The following RALYL variants were observed in gnomAD, a reference collection of about 807,000 sequenced individuals.
RALYL encodes RALY RNA binding protein like.
RALYL carries 29 observed loss-of-function variants against 35.1 expected under a neutral mutation model. That is an observed-to-expected ratio of 0.83 (90% CI 0.61 to 1.13). RALYL has a LOEUF of 1.13. Ranked by LOEUF, RALYL falls within the 50% of genes most tolerant of loss-of-function variation. The pLI, the probability that RALYL is intolerant of heterozygous loss-of-function variation, is 0.00. For missense variants in RALYL, 359 were observed against 360.4 expected (o/e 1.00, Z 0.03); for synonymous variants, 120 against 127.6 (o/e 0.94, Z 0.40).
intron 6 of RALYL, chr8:84,872,607 G>A (rs544043249): frequency 2.6e-4 from 40 of 152,196 alleles, no homozygotes; most frequent in Admixed American, 7.2e-4. Flanking sequence ...CTTTGAAACT[G>A]TACTAAACTC....
chr8:84,873,517 CCAACAA>C, intron 7 of RALYL, 120 bp downstream of exon 7: 1 of 497,258 alleles, frequency 2.0e-6, no homozygotes. Context: ...TACAGATGTG[CCAACAA>C]TGTCTTTAAG....
chr8:84,747,090 T>C (rs1808777700), intron 2 of RALYL, among the ~76,000 whole-genome samples: 1 of 151,824 alleles, frequency 6.6e-6, no homozygotes. Flanking sequence ...TCAGTGAAAA[T>C]ATACCATATG....
At chr8:84,757,536 G>T (rs1232320700) in intron 2 of RALYL, among the ~76,000 whole-genome samples, 1 of 152,122 alleles carries the variant, frequency 6.6e-6, no homozygotes, top group African/African-American at 2.4e-5. Flanking sequence ...TTTTAGCTAT[G>T]CAGGGGCGGC....
At chr8:84,500,059 A>G (rs574287521) in intron 1 of RALYL, among the ~76,000 whole-genome samples, 1 of 152,240 alleles carries the variant, frequency 6.6e-6, no homozygotes, top group East Asian at 1.9e-4. Flanking sequence ...GCCTGGAGTG[A>G]TTTTTAAATA....
chr8:84,493,670 G>A (rs980804490), intron 1 of RALYL, among the ~76,000 whole-genome samples: 1 of 152,104 alleles, frequency 6.6e-6, no homozygotes. Context: ...GATAAGTGCT[G>A]TTGAGTACTT....
chr8:84,888,190 G>C (rs138904024), intron 8 of RALYL, among the ~76,000 whole-genome samples: 2 of 152,128 alleles, frequency 1.3e-5, no homozygotes, highest in Non-Finnish European at 2.9e-5. Context: ...TATTTGTATG[G>C]CCAACAGTCT....
chr8:84,516,310 A>T (rs2058059302), intron 1 of RALYL, among the ~76,000 whole-genome samples: 2 of 151,814 alleles, frequency 1.3e-5, no homozygotes, highest in African/African-American at 4.8e-5. Flanking sequence ...TATACCTAAT[A>T]TGCATAAGTG....
At chr8:84,755,993 A>T (rs1015031409) in intron 2 of RALYL, among the ~76,000 whole-genome samples, 1 of 152,118 alleles carries the variant, frequency 6.6e-6, no homozygotes, top group African/African-American at 2.4e-5. Context: ...TCTTTTCCAA[A>T]AAGGTTTACA....
intron 3 of RALYL, among the ~76,000 whole-genome samples, chr8:84,782,023 ACACG>A (rs1231403135): frequency 1.2e-4 from 10 of 83,920 alleles, no homozygotes; most frequent in African/African-American, 5.2e-4. Flanking sequence ...CATGCTGTGC[ACACG>A]CGCGCACACA....
intron 2 of RALYL, among the ~76,000 whole-genome samples, chr8:84,585,932 C>T (rs1811890274): frequency 6.6e-6 from 1 of 152,078 alleles, no homozygotes; most frequent in South Asian, 2.1e-4. Context: ...TGCGGTGGCT[C>T]ATGCTTGTAA....
rs189581247 is a variant in RALYL at position 84,586,596 on chromosome 8, C to T, written c.256+57019C>T. 5.3e-5 allele frequency among the ~76,000 whole-genome samples: 8 copies of T among 152,272 alleles called. No individual in the cohort carries two copies. The East Asian group carries it at 1.4e-3, about 26-fold the overall frequency. On this transcript the variant is annotated intron_variant, in intron 2 of 8. Coordinates refer to ENST00000521268, the MANE Select transcript of RALYL (RefSeq NM_173848.7). ...TTGAGTGACTGATACTTAGGATCCA[C>T]AGAAGAATAACAACTAATATTCAAA...
At chr8:84,704,089 A>G (rs1270454900) in intron 2 of RALYL, among the ~76,000 whole-genome samples, 1 of 152,210 alleles carries the variant, frequency 6.6e-6, no homozygotes, top group African/African-American at 2.4e-5. Flanking sequence ...TTGAAAAAGA[A>G]TTTGTGATTG....
rs866164093 is a variant in RALYL at position 84,412,906 on chromosome 8, A to G, written c.-23-116393A>G. 4.6e-5 allele frequency among the ~76,000 whole-genome samples: 7 copies of G among 151,958 alleles called. No individual in the cohort carries two copies. In the South Asian group the frequency reaches 6.2e-4, roughly 13 times the overall value. On this transcript the variant is annotated intron_variant, in intron 1 of 8. Coordinates refer to ENST00000521268, the MANE Select transcript of RALYL (RefSeq NM_173848.7). ...GCACCTGGTAATTGGTGACCTTAACAAGTGGTTATGACAGCAAAGTCCTAC... is the reference window on the plus strand; with the variant it reads ...GCACCTGGTAATTGGTGACCTTAACGAGTGGTTATGACAGCAAAGTCCTAC...
At chr8:84,465,070 AT>A (rs1391303357) in intron 1 of RALYL, among the ~76,000 whole-genome samples, 1 of 111,474 alleles carries the variant, frequency 9.0e-6, no homozygotes, top group Non-Finnish European at 1.9e-5. Context: ...GGTTGCGAAA[AT>A]TTTCTCCCAT....
intron 1 of RALYL, among the ~76,000 whole-genome samples, chr8:84,408,098 T>C (rs2043733976): frequency 6.6e-6 from 1 of 152,108 alleles, no homozygotes; most frequent in Non-Finnish European, 1.5e-5. Flanking sequence ...TTAAACTTAT[T>C]TATTTTAATT....
intron 1 of RALYL, among the ~76,000 whole-genome samples, chr8:84,191,950 A>AATAAT (rs1268234917): frequency 2.2e-5 from 3 of 137,088 alleles, no homozygotes; most frequent in African/African-American, 7.5e-5. Flanking sequence ...AAGATGATCA[A>AATAAT]CAAGTGATAA....
At chr8:84,560,537 A>C (rs2061412415) in intron 2 of RALYL, among the ~76,000 whole-genome samples, 1 of 151,910 alleles carries the variant, frequency 6.6e-6, no homozygotes, top group Non-Finnish European at 1.5e-5. Flanking sequence ...TGTGATTACT[A>C]TTTCTAGCAA....
intron 4 of RALYL, among the ~76,000 whole-genome samples, chr8:84,837,624 G>T (rs1274972340): frequency 6.6e-6 from 1 of 152,070 alleles, no homozygotes; most frequent in Middle Eastern, 3.2e-3. Flanking sequence ...TGAAATTTCA[G>T]GAAAGTTACT....
intron 1 of RALYL, among the ~76,000 whole-genome samples, chr8:84,462,134 T>G (rs1340551797): frequency 4.0e-5 from 6 of 151,640 alleles, no homozygotes; most frequent in Non-Finnish European, 8.9e-5. Context: ...ATTTTTATTT[T>G]TTTTTATTTT....
Sources: allele counts gnomAD v4.1 joint callset (sites outside exome capture counted in the v4.1 genomes callset), GRCh38; gene constraint gnomAD v4.1.1; transcripts MANE v1.5; gene names NCBI Gene and HGNC (gene_info 2026-07-23, HGNC 2026-07-21).